Variants in CEP85L observed in about 807,000 individuals in gnomAD.
The protein encoded by CEP85L is centrosomal protein of 85 kDa-like.
CEP85L carries 60 observed loss-of-function variants against 100.3 expected under a neutral mutation model. That is an observed-to-expected ratio of 0.60 (90% CI 0.49 to 0.74). The LOEUF is 0.74. Ranked by LOEUF, CEP85L falls within the 30% of genes least tolerant of loss-of-function variation. The pLI, the probability that CEP85L is intolerant of heterozygous loss-of-function variation, is 0.00. For missense variants in CEP85L, 973 were observed against 936.2 expected, an observed-to-expected ratio of 1.04 and a Z score of -0.51; for synonymous variants, 319 against 322.7, an observed-to-expected ratio of 0.99 and a Z score of 0.12.
At chr6:118,626,257 T>C (rs573319983) in intron 2 of CEP85L, among the ~76,000 whole-genome samples, 60 of 152,286 alleles carry the variant, frequency 3.9e-4, no homozygotes, top group African/African-American at 1.3e-3. Context: ...GATTTGCTTA[T>C]ATGTTTTCTT....
chr6:118,700,809 A>T (rs1255203342), intron 1 of CEP85L, among the ~76,000 whole-genome samples: 1 of 152,196 alleles, frequency 6.6e-6, no homozygotes, highest in Non-Finnish European at 1.5e-5. Context: ...TTGGGCTAAA[A>T]ATGGTAAAAC....
At chr6:118,674,640 A>AT (rs1217058037) in intron 1 of CEP85L, among the ~76,000 whole-genome samples, 1 of 152,188 alleles carries the variant, frequency 6.6e-6, no homozygotes, top group Non-Finnish European at 1.5e-5. Flanking sequence ...AGACAATCTG[A>AT]TTTTAAAGCT....
chr6:118,558,046 C>A (rs1778981573), intron 3 of CEP85L, among the ~76,000 whole-genome samples: 1 of 151,680 alleles, frequency 6.6e-6, no homozygotes, highest in Admixed American at 6.6e-5. Flanking sequence ...CTCAATGCAA[C>A]CCCTGCCTCC....
At chr6:118,509,710 T>C (rs1008614417) in intron 5 of CEP85L, among the ~76,000 whole-genome samples, 3 of 152,000 alleles carry the variant, frequency 2.0e-5, no homozygotes, top group African/African-American at 7.2e-5. Flanking sequence ...AATAACAACA[T>C]CCACAAATAG....
intron 2 of CEP85L, among the ~76,000 whole-genome samples, chr6:118,581,085 T>C (rs1780550348): frequency 6.6e-6 from 1 of 152,190 alleles, no homozygotes; most frequent in South Asian, 2.1e-4. Flanking sequence ...CCTTTTGCAC[T>C]GCTAGAAATC....
intron 1 of CEP85L, among the ~76,000 whole-genome samples, chr6:118,662,024 A>G (rs892470764): frequency 2.0e-5 from 3 of 152,240 alleles, no homozygotes; most frequent in Admixed American, 6.5e-5. Context: ...TTGCAGTACT[A>G]TCTCATAAAG....
At chr6:118,701,372 C>T (rs1278898522) in intron 1 of CEP85L, among the ~76,000 whole-genome samples, 2 of 152,174 alleles carry the variant, frequency 1.3e-5, no homozygotes, top group African/African-American at 2.4e-5. Flanking sequence ...TGAAATCAAC[C>T]TAGATGTCCA....
chr6:118,582,018 G>A (rs750264461), intron 2 of CEP85L, among the ~76,000 whole-genome samples: 1 of 152,156 alleles, frequency 6.6e-6, no homozygotes, highest in Non-Finnish European at 1.5e-5. Context: ...TACAAGTTCT[G>A]TACAATTGAC....
intron 3 of CEP85L, among the ~76,000 whole-genome samples, chr6:118,533,502 T>C (rs1314244111): frequency 6.6e-6 from 1 of 152,128 alleles, no homozygotes; most frequent in Non-Finnish European, 1.5e-5. Flanking sequence ...TAGGTCCAAA[T>C]TGTTACACTG....
In CEP85L at chr6:118,616,104, A is replaced by T. The variant is rs544210183; in HGVS notation, c.232+16349T>A. Among the ~76,000 whole-genome samples the T allele has an allele frequency of 3.9e-5, 6 of 152,318 alleles. No homozygotes were observed. In the South Asian group the frequency reaches 1.2e-3, roughly 32 times the overall value. ...AATGGATCACAAATATAATAATAAA[A>T]TATTTAAGAAAAAAATGAGAAAATA... On this transcript the variant is annotated intron_variant, in intron 2 of 12. Coordinates refer to ENST00000368491, the MANE Select transcript of CEP85L (RefSeq NM_001042475.3).
chr6:118,546,312 T>C (rs889867789), intron 3 of CEP85L, among the ~76,000 whole-genome samples: 4 of 152,152 alleles, frequency 2.6e-5, no homozygotes, highest in African/African-American at 9.7e-5. Flanking sequence ...GGTGTGTATA[T>C]GCCTATGTAT....
At chr6:118,709,255 C>G (rs749318825) in intron 1 of CEP85L, among the ~76,000 whole-genome samples, 1 of 152,158 alleles carries the variant, frequency 6.6e-6, no homozygotes, top group East Asian at 1.9e-4. Flanking sequence ...ACATCAACAG[C>G]AAAACAACTG....
intron 2 of CEP85L, among the ~76,000 whole-genome samples, chr6:118,583,075 G>A (rs1056545868): frequency 5.3e-5 from 8 of 152,232 alleles, no homozygotes; most frequent in Admixed American, 3.3e-4. Flanking sequence ...GCAGCAAGAC[G>A]AAGCCACCTT....
At chr6:118,582,106 T>C (rs932221975) in intron 2 of CEP85L, among the ~76,000 whole-genome samples, 7 of 152,130 alleles carry the variant, frequency 4.6e-5, no homozygotes, top group African/African-American at 1.4e-4. Context: ...AAACAGCTAT[T>C]GAATGTCCCA....
At chr6:118,513,360 C>T (rs1161700830) in intron 4 of CEP85L, among the ~76,000 whole-genome samples, 2 of 151,980 alleles carry the variant, frequency 1.3e-5, no homozygotes, top group Admixed American at 6.6e-5. Context: ...TCAGGAAGCC[C>T]AGTGAACCCC....
At chr6:118,465,608 T>C in intron 12 of CEP85L, 40 bp from the exon 13 acceptor site, 1 of 1,590,840 alleles carries the variant, frequency 6.3e-7, no homozygotes, top group East Asian at 2.2e-5. Context: ...TCACATTTTT[T>C]TGAACAAAGA....
intron 4 of CEP85L, among the ~76,000 whole-genome samples, chr6:118,521,189 C>G (rs1776646937): frequency 6.6e-6 from 1 of 152,202 alleles, no homozygotes; most frequent in African/African-American, 2.4e-5. Flanking sequence ...CACCAAATCC[C>G]ATGAAGTCTG....
intron 3 of CEP85L, among the ~76,000 whole-genome samples, chr6:118,527,002 CTTTTT>C (rs764883723): frequency 1.2e-3 from 123 of 98,724 alleles, no homozygotes; most frequent in Middle Eastern, 0.016. Context: ...TTTACTTTTT[CTTTTT>C]TTTTTTTTTT....
chr6:118,576,473 C>A (rs969708094), intron 2 of CEP85L, among the ~76,000 whole-genome samples: 2 of 152,238 alleles, frequency 1.3e-5, no homozygotes, highest in Non-Finnish European at 2.9e-5. Context: ...AACATTCAAA[C>A]GGGTTTGTCT....
Sources: gnomAD v4.1 joint callset for allele counts (sites outside exome capture counted in the v4.1 genomes callset) on GRCh38, gnomAD v4.1.1 for gene constraint, MANE v1.5 for transcripts, NCBI Gene and HGNC (gene_info 2026-07-23, HGNC 2026-07-21) for gene names.